CPNE1: variants seen among roughly 807,000 people sequenced by gnomAD.
The protein encoded by CPNE1 is copine-1.
A neutral mutation model predicts 63.2 loss-of-function variants in CPNE1; 58 were observed. That is an observed-to-expected ratio of 0.92 (90% CI 0.74 to 1.14). CPNE1 has a LOEUF of 1.14. Ranked by LOEUF, CPNE1 falls within the 50% of genes most tolerant of loss-of-function variation. The pLI is 0.00. For synonymous variants in CPNE1, 237 were observed against 249.0 expected, an observed-to-expected ratio of 0.95 and a Z score of 0.45; for missense variants, 672 against 661.7, an observed-to-expected ratio of 1.02 and a Z score of -0.17.
rs906174777 is a variant in CPNE1 at position 35,627,301 on chromosome 20, AGCCTGGGCT to A, written c.1206_1214del (p.Gln404_Ala406del). On this transcript the variant is annotated inframe_deletion, in exon 14 of 16. Coordinates refer to ENST00000397443, the MANE Select transcript of CPNE1 (RefSeq NM_152925.3). Reference sequence around the variant, plus strand: ...TCACCGAGGCAGTCCCCTGATGTGCAGCCTGGGCTGCAAACCTGGCCACATGGTTGATGA... The same window carrying A: ...TCACCGAGGCAGTCCCCTGATGTGCAGCAAACCTGGCCACATGGTTGATGA... 5.0e-6 allele frequency: 8 copies of A among 1,611,042 alleles called. No homozygotes were observed. Among genetic ancestry groups the A allele is most frequent in the Non-Finnish European group, 6.8e-6 (8 of 1,178,758 alleles).
At chr20:35,641,286 T>C (rs2032790580) in intron 1 of CPNE1, among the ~76,000 whole-genome samples, 1 of 152,240 alleles carries the variant, frequency 6.6e-6, no homozygotes, top group African/African-American at 2.4e-5. Flanking sequence ...TCAAATATTC[T>C]GATTCCTACC....
chr20:35,646,233 C>T (rs1346133115), intron 1 of CPNE1, among the ~76,000 whole-genome samples: 2 of 117,578 alleles, frequency 1.7e-5, no homozygotes, highest in Non-Finnish European at 3.2e-5. Context: ...CCAGCCTGGG[C>T]AGCAGAGCAA....
chr20:35,630,679 C>CA (rs2032063175), intron 12 of CPNE1, 62 bp downstream of exon 12: 1 of 1,586,028 alleles, frequency 6.3e-7, no homozygotes, highest in South Asian at 1.1e-5. Flanking sequence ...AAATTTACCA[C>CA]ATCCCCCAAA....
chr20:35,637,007 T>A (rs1416944453), intron 1 of CPNE1, among the ~76,000 whole-genome samples: 1 of 152,162 alleles, frequency 6.6e-6, no homozygotes, highest in Non-Finnish European at 1.5e-5. Flanking sequence ...TTATACTGTT[T>A]TGTATTTTTT....
intron 1 of CPNE1, chr20:35,652,480 C>A: frequency 6.4e-7 from 1 of 1,553,644 alleles, no homozygotes; most frequent in Admixed American, 2.0e-5. Flanking sequence ...ATGCATTAAT[C>A]ACAGCAATAT....
intron 1 of CPNE1, chr20:35,664,541 C>A (rs773557866): frequency 6.6e-6 from 1 of 152,360 alleles, no homozygotes; most frequent in Non-Finnish European, 1.5e-5. Context: ...CTCGTCCCCA[C>A]TTCGGTACGC....
Position 35,631,673 on chromosome 20 carries a change from G to A in CPNE1, c.627+15C>T. On this transcript the variant is annotated intron_variant, in intron 7 of 15. Transcript: ENST00000397443. ...TCTTCTCCAGCGCAGTCCACTTAGG[G>A]GGCAAGCTCCTCACCTGGATGGGTG... 6.2e-7 allele frequency: 1 copy of A among 1,613,526 alleles called. No individual in the cohort carries two copies.
intron 1 of CPNE1, chr20:35,652,416 G>T: frequency 7.7e-7 from 1 of 1,295,768 alleles, no homozygotes; most frequent in Non-Finnish European, 1.1e-6. Context: ...CAAGCTATAT[G>T]CAATTGAAAC....
chr20:35,647,480 T>C (rs1186052515), intron 1 of CPNE1: 1 of 151,998 alleles, frequency 6.6e-6, no homozygotes, highest in Non-Finnish European at 1.5e-5. Flanking sequence ...TTGACAGAAT[T>C]CAAGGGATTT....
intron 1 of CPNE1, among the ~76,000 whole-genome samples, chr20:35,638,627 G>A (rs930779776): frequency 6.6e-5 from 10 of 152,130 alleles, no homozygotes; most frequent in Non-Finnish European, 1.2e-4. Flanking sequence ...GCCCAAGAGC[G>A]ATTCCACTCC....
At chr20:35,660,242 G>A (rs975015683) in intron 1 of CPNE1, among the ~76,000 whole-genome samples, 6 of 151,336 alleles carry the variant, frequency 4.0e-5, no homozygotes, top group African/African-American at 1.2e-4. Context: ...TCGCTCTGTC[G>A]CCCAGGCTAG....
At chr20:35,653,532 A>C (rs1313618788) in intron 1 of CPNE1, 1 of 1,614,206 alleles carries the variant, frequency 6.2e-7, no homozygotes, top group East Asian at 2.2e-5. Flanking sequence ...ACTTACGTGC[A>C]TCATCTTCAT....
chr20:35,641,875 G>C (rs2032830281), intron 1 of CPNE1, among the ~76,000 whole-genome samples: 1 of 152,170 alleles, frequency 6.6e-6, no homozygotes, highest in African/African-American at 2.4e-5. Context: ...TCAAATACTT[G>C]AGGCAAGTCT....
intron 1 of CPNE1, chr20:35,655,443 A>G (rs2033839253): frequency 6.9e-6 from 7 of 1,012,548 alleles, no homozygotes; most frequent in Non-Finnish European, 8.5e-6. Flanking sequence ...GCCCTCAAAT[A>G]TTCCCTCAAG....
intron 1 of CPNE1, chr20:35,653,527 C>G (rs778426459): frequency 1.2e-6 from 2 of 1,614,098 alleles, no homozygotes; most frequent in Non-Finnish European, 1.7e-6. Context: ...TTCAGACTTA[C>G]GTGCATCATC....
At chr20:35,653,357 C>A in intron 1 of CPNE1, 1 of 1,614,152 alleles carries the variant, frequency 6.2e-7, no homozygotes. Context: ...CCGGGCAGTC[C>A]CGCATTGGGC....
chr20:35,633,872 T>C (rs1442195595), intron 1 of CPNE1, among the ~76,000 whole-genome samples: 1 of 147,016 alleles, frequency 6.8e-6, no homozygotes, highest in African/African-American at 2.5e-5. Context: ...GGCAGGAGAA[T>C]TGCTTGAACC....
chr20:35,652,479 T>C (rs375626789), intron 1 of CPNE1: 2 of 1,553,238 alleles, frequency 1.3e-6, no homozygotes, highest in African/African-American at 1.4e-5. Flanking sequence ...GATGCATTAA[T>C]CACAGCAATA....
At chr20:35,650,316 G>A (rs1214161219) in intron 1 of CPNE1, 1 of 152,216 alleles carries the variant, frequency 6.6e-6, no homozygotes, top group Non-Finnish European at 1.5e-5. Context: ...AAATAACAAA[G>A]TAGTTGCAAT....
Sources: gnomAD v4.1 joint callset for allele counts (sites outside exome capture counted in the v4.1 genomes callset) on GRCh38, gnomAD v4.1.1 for gene constraint, MANE v1.5 for transcripts, NCBI Gene and HGNC (gene_info 2026-07-23, HGNC 2026-07-21) for gene names.